ADGRL2: variants seen among roughly 807,000 people sequenced by gnomAD.
ADGRL2 encodes the protein adhesion G protein-coupled receptor L2.
A neutral mutation model predicts 157.4 loss-of-function variants in ADGRL2; 44 were observed. The observed-to-expected ratio is 0.28, with a 90% CI of 0.22 to 0.36. ADGRL2 has a LOEUF of 0.36. Among genes scored for constraint, ADGRL2 ranks in the 10% least tolerant of loss-of-function variants. The probability of loss-of-function intolerance (pLI) is 1.00; values close to 1 mark genes in which losing one functional copy is unlikely to be tolerated. For synonymous variants in ADGRL2, 585 were observed against 624.7 expected, an observed-to-expected ratio of 0.94 and a Z score of 0.95; for missense variants, 1,510 against 1,768.9, an observed-to-expected ratio of 0.85 and a Z score of 2.63.
chr1:81,453,094 CT>C (rs1175655117), intron 2 of ADGRL2, among the ~76,000 whole-genome samples: 1 of 152,152 alleles, frequency 6.6e-6, no homozygotes, highest in Non-Finnish European at 1.5e-5. Context: ...TTAAGTAAAA[CT>C]GCGAAGACTT....
At chr1:81,516,809 C>T (rs1239447020) in intron 2 of ADGRL2, among the ~76,000 whole-genome samples, 1 of 152,046 alleles carries the variant, frequency 6.6e-6, no homozygotes, top group Non-Finnish European at 1.5e-5. Flanking sequence ...TACACCCAAC[C>T]CCTCCATTCA....
At chr1:81,741,326 T>G (rs957821616) in intron 1 of ADGRL2, among the ~76,000 whole-genome samples, 7 of 152,058 alleles carry the variant, frequency 4.6e-5, no homozygotes, top group African/African-American at 1.4e-4. Context: ...GAAAACCTAC[T>G]GGGCAGTATA....
At chr1:81,746,513 A>G (rs1186081317) in intron 1 of ADGRL2, among the ~76,000 whole-genome samples, 1 of 152,002 alleles carries the variant, frequency 6.6e-6, no homozygotes, top group Non-Finnish European at 1.5e-5. Flanking sequence ...TGGTCTTGAA[A>G]TCCTGGGCTC....
At chr1:81,666,670 A>G (rs1487304897) in intron 3 of ADGRL2, among the ~76,000 whole-genome samples, 4 of 152,126 alleles carry the variant, frequency 2.6e-5, no homozygotes, top group Non-Finnish European at 5.9e-5. Flanking sequence ...TATAACAACC[A>G]GGTTAGAGTT....
intron 1 of ADGRL2, among the ~76,000 whole-genome samples, chr1:81,391,935 G>A (rs1403231085): frequency 1.3e-5 from 2 of 152,042 alleles, no homozygotes; most frequent in East Asian, 3.9e-4. Flanking sequence ...CCTACTATGT[G>A]CTTTATGTGT....
chr1:81,649,833 G>A lies in ADGRL2; in HGVS notation c.-143+68853G>A, dbSNP rs566207182. Among the ~76,000 whole-genome samples the A allele has an allele frequency of 2.0e-4, 30 of 152,232 alleles. No homozygotes were observed. The East Asian group carries it at 5.8e-3, about 30-fold the overall frequency. On this transcript the variant is annotated intron_variant, in intron 3 of 24. Transcript: ENST00000370721. ...CCACTGCATCTGATGGAAAAGCACT[G>A]ACTCCCGTCAGAAGGCTCACAACTA...
intron 3 of ADGRL2, among the ~76,000 whole-genome samples, chr1:81,654,187 C>T (rs928098868): frequency 2.0e-5 from 3 of 152,094 alleles, no homozygotes; most frequent in African/African-American, 7.2e-5. Context: ...CTTAGGTAAT[C>T]CACCGAACTT....
rs3046312 is a variant in ADGRL2 at position 81,824,948 on chromosome 1, C to CCTCTCTCTCTCTCTCTCTCTCT, written c.-100-11924_-100-11903dup. Reference sequence around the variant, plus strand: ...GTTTCCAGTTTTGCTTTTTAATTCTCCTCTCTCTCTCTCTCTCTCTCTCTC... The same window carrying CCTCTCTCTCTCTCTCTCTCTCT: ...GTTTCCAGTTTTGCTTTTTAATTCTCCTCTCTCTCTCTCTCTCTCTCTCTCTCTCTCTCTCTCTCTCTCTCTC... On this transcript the variant is annotated intron_variant, in intron 1 of 23. Coordinates refer to ENST00000686636, the MANE Select transcript of ADGRL2 (RefSeq NM_001366006.2). Among the ~76,000 whole-genome samples the CCTCTCTCTCTCTCTCTCTCTCT allele has an allele frequency of 5.2e-4, 67 of 127,956 alleles. 1 individual carries two copies. Among genetic ancestry groups the CCTCTCTCTCTCTCTCTCTCTCT allele is most frequent in the Middle Eastern group, 4.3e-3 (1 of 234 alleles). The allele number at this position is 127,956 out of a possible 152,430, so 83.9% of individuals were successfully genotyped here.
intron 3 of ADGRL2, among the ~76,000 whole-genome samples, chr1:81,628,650 G>A (rs2081955163): frequency 6.6e-6 from 1 of 152,116 alleles, no homozygotes. Context: ...AAGTGATGCT[G>A]AAGAGAATGC....
At chr1:81,987,956 T>A (rs1663670307) in intron 23 of ADGRL2, 70 bp downstream of exon 23, 1 of 308,074 alleles carries the variant, frequency 3.2e-6, no homozygotes, top group African/African-American at 2.3e-5. Flanking sequence ...ACGGGCACAA[T>A]TAAAACATAA....
chr1:81,912,718 T>C (rs1367525316), intron 3 of ADGRL2, among the ~76,000 whole-genome samples: 2 of 152,164 alleles, frequency 1.3e-5, no homozygotes, highest in Non-Finnish European at 2.9e-5. Flanking sequence ...TAGAAGCCAG[T>C]AGCAAAGTAC....
At chr1:81,533,924 T>C (rs538459522) in intron 2 of ADGRL2, among the ~76,000 whole-genome samples, 14 of 152,144 alleles carry the variant, frequency 9.2e-5, no homozygotes, top group Non-Finnish European at 1.5e-4. Flanking sequence ...TAAAAGAAAA[T>C]AGAACATAAA....
At chr1:81,454,036 G>A (rs752849925) in intron 2 of ADGRL2, among the ~76,000 whole-genome samples, 75 of 152,096 alleles carry the variant, frequency 4.9e-4, no homozygotes, top group Non-Finnish European at 3.1e-4. Flanking sequence ...TTAAGGTGCC[G>A]GCAAATAATG....
At chr1:81,340,123 C>G (rs1027234305) in intron 1 of ADGRL2, among the ~76,000 whole-genome samples, 2 of 152,120 alleles carry the variant, frequency 1.3e-5, no homozygotes, top group Non-Finnish European at 2.9e-5. Context: ...TTTAATCATA[C>G]TATATTTGCA....
At chr1:81,615,654 C>G (rs964107446) in intron 3 of ADGRL2, among the ~76,000 whole-genome samples, 10 of 152,212 alleles carry the variant, frequency 6.6e-5, no homozygotes, top group African/African-American at 2.4e-4. Context: ...TCCGGACACA[C>G]TATCTTGGTT....
In ADGRL2 at chr1:81,950,194, A is replaced by G; in HGVS notation, c.1216A>G (p.Thr406Ala). ...FGPPDPAQVPTTAVTITSSAE... is the reference protein window; with the variant it reads ...FGPPDPAQVPATAVTITSSAE... ...TACTCATCTTTTTTCCATAGTGCCT[A>G]CCACAGCTGTGACAATAACTTCTTC... is the stretch of plus-strand genomic sequence containing the variant. The change falls in exon 7 of 24, where the codon ACC becomes GCC. Residue 406 changes from threonine to alanine, a missense_variant. Physicochemically the swap from Thr to Ala is moderately conservative, Grantham distance 58 (BLOSUM62 0). This residue lies in a region of ADGRL2 where 325 missense variants were observed against 333.2 expected (regional missense o/e 0.98). Transcript: ENST00000686636. 6.2e-7 allele frequency: 1 copy of G among 1,613,512 alleles called. No individual in the cohort carries two copies. Among genetic ancestry groups the G allele is most frequent in the Non-Finnish European group, 8.5e-7 (1 of 1,179,582 alleles).
chr1:81,880,020 T>G (rs1353170996), intron 2 of ADGRL2, among the ~76,000 whole-genome samples: 4 of 152,124 alleles, frequency 2.6e-5, no homozygotes, highest in African/African-American at 9.7e-5. Context: ...GAGTGAGACA[T>G]TGTATCTAAA....
intron 3 of ADGRL2, among the ~76,000 whole-genome samples, chr1:81,661,812 C>T (rs1292076821): frequency 6.6e-6 from 1 of 152,148 alleles, no homozygotes; most frequent in Non-Finnish European, 1.5e-5. Context: ...TTATGGTATT[C>T]ACCATATTCT....
chr1:81,789,699 CTCA>C (rs2087236000), intron 2 of ADGRL2, among the ~76,000 whole-genome samples: 1 of 49,296 alleles, frequency 2.0e-5, no homozygotes, highest in African/African-American at 1.1e-4. Context: ...GAGTCTCCGT[CTCA>C]AAAAAAAAAA....
Sources: allele counts gnomAD v4.1 joint callset (sites outside exome capture counted in the v4.1 genomes callset), GRCh38; gene constraint gnomAD v4.1.1; regional missense constraint gnomAD v4.1.1; transcripts MANE v1.5; gene names NCBI Gene and HGNC (gene_info 2026-07-23, HGNC 2026-07-21).